The following DENND4C variants were observed in gnomAD, a reference collection of about 807,000 sequenced individuals.
The protein encoded by DENND4C is DENN domain-containing protein 4C.
A neutral mutation model predicts 203.0 loss-of-function variants in DENND4C; 108 were observed. That is an observed-to-expected ratio of 0.53 (90% CI 0.46 to 0.62). The LOEUF (loss-of-function observed/expected upper bound fraction) is 0.62. Among genes scored for constraint, DENND4C ranks in the 20% least tolerant of loss-of-function variants. DENND4C has a pLI of 0.00. For synonymous variants in DENND4C, 871 were observed against 792.4 expected, an observed-to-expected ratio of 1.10 and a Z score of -1.67; for missense variants, 2,481 against 2,301.2, an observed-to-expected ratio of 1.08 and a Z score of -1.60.
rs1400336091 is a variant in DENND4C, at chr9:19,345,919, A to C, written c.3152-2A>C. On this transcript the variant is annotated splice_acceptor_variant, in intron 22 of 32. Transcript: ENST00000434457. LOFTEE classifies it high-confidence loss of function. ...TTGTTAATATTTTACTTTCCCTTTT[A>C]GGTAGTATATCAAATGTGCTGTTTT... 6.3e-7 allele frequency: 1 copy of C among 1,598,138 alleles called. No individual in the cohort carries two copies. The highest frequency in any genetic ancestry group is 2.2e-5 in the East Asian group (1 of 44,748).
chr9:19,342,535 G>T, intron 21 of DENND4C, 98 bp from the exon 22 acceptor site: 1 of 1,303,694 alleles, frequency 7.7e-7, no homozygotes, highest in South Asian at 1.8e-5. Context: ...CACACTGACT[G>T]TTGGAGAAAA....
chr9:19,299,817 C>T (rs1397574287), intron 8 of DENND4C, among the ~76,000 whole-genome samples: 3 of 152,178 alleles, frequency 2.0e-5, no homozygotes, highest in Admixed American at 1.3e-4. Context: ...TTCACCCTTT[C>T]CCTTACTATG....
At chr9:19,336,232 GC>G in intron 18 of DENND4C, 37 bp from the exon 19 acceptor site, 1 of 1,588,176 alleles carries the variant, frequency 6.3e-7, no homozygotes, top group Non-Finnish European at 8.6e-7. Context: ...ATCAGATATT[GC>G]TAATGAACAT....
At chr9:19,343,898 G>A (rs1822225049) in intron 22 of DENND4C, among the ~76,000 whole-genome samples, 1 of 152,148 alleles carries the variant, frequency 6.6e-6, no homozygotes, top group South Asian at 2.1e-4. Flanking sequence ...AATAAAATGT[G>A]CCGTTAAATT....
At chr9:19,235,004 G>C (rs1048657410) in intron 1 of DENND4C, among the ~76,000 whole-genome samples, 1 of 147,484 alleles carries the variant, frequency 6.8e-6, no homozygotes, top group Non-Finnish European at 1.5e-5. Context: ...TCTTGTCACC[G>C]AGGCTGGAAT....
At chr9:19,253,676 T>C (rs1564088963) in intron 1 of DENND4C, among the ~76,000 whole-genome samples, 2 of 152,232 alleles carry the variant, frequency 1.3e-5, no homozygotes, top group South Asian at 2.1e-4. Context: ...CTTTAAAAAA[T>C]ATCTTTTATT....
At chr9:19,352,770 C>A in intron 26 of DENND4C, 105 bp downstream of exon 26, 1 of 804,448 alleles carries the variant, frequency 1.2e-6, no homozygotes, top group Non-Finnish European at 1.8e-6. Flanking sequence ...GCCTTCCTGT[C>A]TGTCCTTCAC....
rs2131840674 is a variant in DENND4C at position 19,335,049 on chromosome 9, G to C, written c.2533G>C (p.Glu845Gln). ...TGTTTTAGCAGTGAGAGTCTTATTT[G>C]AAATGAAAACTGCTAGGATAAAGCC... ...HPVLAVRVLF[E>Q]MKTARIKPNA... Residue 845 changes from glutamate to glutamine, a missense_variant, in exon 18 of 33, where the codon GAA (glutamate) becomes CAA (glutamine). By Grantham distance (29) the Glu-to-Gln change is conservative. Around this residue, in one of 3 missense-constraint regions of DENND4C, gnomAD observed 2,289 missense variants for 2,113.3 expected, o/e 1.08. Coordinates refer to ENST00000434457, the MANE Select transcript of DENND4C (RefSeq NM_001330640.2). The C allele has an allele frequency of 1.2e-6, 2 of 1,612,120 alleles. No homozygotes were observed. The highest frequency in any genetic ancestry group is 1.7e-6 in the Non-Finnish European group (2 of 1,179,032).
rs144906857 is a variant in DENND4C at position 19,349,668 on chromosome 9, T to C, written c.4318-1034T>C. Reference sequence around the variant, plus strand: ...GAGTTTAAGGAATTAATTAGAGGTATATGTAAAAATAGAGGAATTTACCAA... The same window carrying C: ...GAGTTTAAGGAATTAATTAGAGGTACATGTAAAAATAGAGGAATTTACCAA... On this transcript the variant is annotated intron_variant, in intron 23 of 32. Coordinates refer to ENST00000434457, the MANE Select transcript of DENND4C (RefSeq NM_001330640.2). 9.2e-3 allele frequency among the ~76,000 whole-genome samples: 1,405 copies of C among 152,330 alleles called. 9 individuals carry two copies. Among genetic ancestry groups the C allele is most frequent in the Middle Eastern group, 0.014 (4 of 294 alleles).
At chr9:19,250,330 GC>G (rs550408989) in intron 1 of DENND4C, among the ~76,000 whole-genome samples, 24 of 152,278 alleles carry the variant, frequency 1.6e-4, no homozygotes, top group African/African-American at 5.3e-4. Context: ...TGTAATCCCA[GC>G]TACATGGGAG....
chr9:19,357,223 A>G, intron 27 of DENND4C, 69 bp downstream of exon 27: 2 of 1,510,578 alleles, frequency 1.3e-6, no homozygotes, highest in African/African-American at 1.4e-5. Context: ...TTCTGTCTCT[A>G]AAGACAACCT....
intron 2 of DENND4C, among the ~76,000 whole-genome samples, chr9:19,280,879 T>C (rs1186647568): frequency 1.3e-5 from 2 of 152,144 alleles, no homozygotes; most frequent in Non-Finnish European, 1.5e-5. Context: ...TAGCTGGGAC[T>C]ACAGGCAAGC....
chr9:19,234,927 GA>G (rs1588701922), intron 1 of DENND4C, among the ~76,000 whole-genome samples: 1 of 150,466 alleles, frequency 6.6e-6, no homozygotes, highest in African/African-American at 2.4e-5. Flanking sequence ...ATTACTTTTT[GA>G]AATTTTGGGA....
intron 20 of DENND4C, chr9:19,337,702 G>C: frequency 3.2e-6 from 4 of 1,262,582 alleles, no homozygotes; most frequent in African/African-American, 1.5e-5. Context: ...GTTAAATTTT[G>C]CTGACCTGCA....
chr9:19,338,088 A>G (rs1241987155), intron 20 of DENND4C, among the ~76,000 whole-genome samples: 5 of 152,214 alleles, frequency 3.3e-5, no homozygotes, highest in African/African-American at 1.2e-4. Flanking sequence ...GAAAGTCAAC[A>G]TAAAGCTACA....
At chr9:19,335,155 A>C in intron 18 of DENND4C, 50 bp downstream of exon 18, 1 of 1,352,638 alleles carries the variant, frequency 7.4e-7, no homozygotes, top group Non-Finnish European at 9.7e-7. Context: ...AAGAATGATT[A>C]TTTTGTATAC....
At chr9:19,234,967 T>C (rs1169527578) in intron 1 of DENND4C, among the ~76,000 whole-genome samples, 1 of 152,022 alleles carries the variant, frequency 6.6e-6, no homozygotes. Context: ...TTTTTTTTCT[T>C]TCTTTTTTTA....
intron 1 of DENND4C, among the ~76,000 whole-genome samples, chr9:19,265,595 C>T (rs1340293260): frequency 6.6e-6 from 1 of 151,974 alleles, no homozygotes; most frequent in Non-Finnish European, 1.5e-5. Flanking sequence ...TAATGCTATC[C>T]ACCCCTCCTC....
intron 20 of DENND4C, chr9:19,337,651 C>A: frequency 7.8e-7 from 1 of 1,288,248 alleles, no homozygotes; most frequent in East Asian, 5.6e-5. Context: ...TTAATTCTAC[C>A]CTTGAATGTT....
Sources: gnomAD v4.1 joint callset for allele counts (sites outside exome capture counted in the v4.1 genomes callset) on GRCh38, gnomAD v4.1.1 for gene constraint, gnomAD v4.1.1 regional missense constraint, MANE v1.5 for transcripts, NCBI Gene and HGNC (gene_info 2026-07-23, HGNC 2026-07-21) for gene names.